The following ANK3 variants were observed in gnomAD, a reference collection of about 807,000 sequenced individuals.
ANK3 encodes ankyrin-3.
A neutral mutation model predicts 370.9 loss-of-function variants in ANK3; 57 were observed. The observed-to-expected ratio is 0.15, with a 90% confidence interval of 0.12 to 0.19. The LOEUF is 0.19. ANK3 is among the 10% of genes least tolerant of loss of function. ANK3 has a pLI of 1.00. For synonymous variants in ANK3, 1,929 were observed against 1,946.3 expected (o/e 0.99, Z 0.23); for missense variants, 4,439 against 5,302.1 (o/e 0.84, Z 5.06).
chr10:60,488,771 A>G (rs1434369219), intron 2 of ANK3, among the ~76,000 whole-genome samples: 1 of 152,184 alleles, frequency 6.6e-6, no homozygotes, highest in Non-Finnish European at 1.5e-5. Context: ...TTCTTTGCCA[A>G]AAAATGCATT....
At chr10:60,066,653 C>T (rs7902905) in intron 38 of ANK3, among the ~76,000 whole-genome samples, 105,541 of 151,796 alleles carry the variant, frequency 0.7, 37,022 homozygotes, top group East Asian at 0.95. Flanking sequence ...TTAGATGAAA[C>T]TGCTTCCTAT....
chr10:60,054,142 ATG>A, intron 42 of ANK3, among the ~76,000 whole-genome samples: 1 of 152,320 alleles, frequency 6.6e-6, no homozygotes, highest in East Asian at 1.9e-4. Context: ...CGGTGTTTAT[ATG>A]TGTTTGTATA....
chr10:60,353,733 T>C (rs2057305658), intron 1 of ANK3, among the ~76,000 whole-genome samples: 1 of 152,182 alleles, frequency 6.6e-6, no homozygotes, highest in Admixed American at 6.5e-5. Flanking sequence ...ACTAAAGGAA[T>C]ACAAAGATCA....
At chr10:60,584,462 T>A (rs34623257) in intron 2 of ANK3, among the ~76,000 whole-genome samples, 152,217 of 152,220 alleles carry the variant, frequency 1, 76,107 homozygotes, top group Non-Finnish European at 1. Flanking sequence ...CCACCAAAAA[T>A]TTAAAATTAG....
intron 25 of ANK3, among the ~76,000 whole-genome samples, chr10:60,119,077 C>T (rs2093305811): frequency 6.6e-6 from 1 of 152,158 alleles, no homozygotes; most frequent in South Asian, 2.1e-4. Context: ...CAATATTTGT[C>T]CCAGATAGTA....
chr10:60,125,993 A>G (rs989966726), intron 25 of ANK3, among the ~76,000 whole-genome samples: 19 of 152,158 alleles, frequency 1.2e-4, no homozygotes, highest in Non-Finnish European at 1.8e-4. Flanking sequence ...AATAAATGAG[A>G]AGAGTTATGG....
intron 1 of ANK3, among the ~76,000 whole-genome samples, chr10:60,342,300 T>G (rs1594144097): frequency 6.6e-6 from 1 of 152,292 alleles, no homozygotes; most frequent in East Asian, 1.9e-4. Context: ...ATCATAAAAT[T>G]TTAAGAACTG....
intron 2 of ANK3, among the ~76,000 whole-genome samples, chr10:60,585,821 C>T (rs138256068): frequency 6.6e-6 from 1 of 152,178 alleles, no homozygotes; most frequent in African/African-American, 2.4e-5. Context: ...GTCAGGAGTT[C>T]AATACCAGCC....
chr10:60,658,520 T>TTA (rs2078895880), intron 1 of ANK3, among the ~76,000 whole-genome samples: 1 of 152,080 alleles, frequency 6.6e-6, no homozygotes, highest in Non-Finnish European at 1.5e-5. Context: ...TATGTTATAT[T>TTA]TATATATATT....
intron 2 of ANK3, among the ~76,000 whole-genome samples, chr10:60,528,501 A>G (rs985099601): frequency 6.6e-6 from 1 of 152,144 alleles, no homozygotes; most frequent in African/African-American, 2.4e-5. Flanking sequence ...ATCCATAATT[A>G]CATTAGGTTG....
intron 2 of ANK3, among the ~76,000 whole-genome samples, chr10:60,455,565 A>T (rs2133047590): frequency 6.6e-6 from 1 of 152,320 alleles, no homozygotes; most frequent in Admixed American, 6.5e-5. Flanking sequence ...TAAATAGTTT[A>T]AAATGTTTCC....
At chr10:60,366,438 AG>A (rs1391894114) in intron 1 of ANK3, among the ~76,000 whole-genome samples, 1 of 152,196 alleles carries the variant, frequency 6.6e-6, no homozygotes, top group Non-Finnish European at 1.5e-5. Flanking sequence ...CCAGGAAAGG[AG>A]GCACTTTCAG....
intron 1 of ANK3, among the ~76,000 whole-genome samples, chr10:60,731,890 T>C (rs2080027774): frequency 6.6e-6 from 1 of 152,082 alleles, no homozygotes; most frequent in South Asian, 2.1e-4. Flanking sequence ...CAACCCACAC[T>C]CTCAAGCAAG....
chr10:60,553,371 A>T (rs1285735550), intron 2 of ANK3, among the ~76,000 whole-genome samples: 2 of 150,500 alleles, frequency 1.3e-5, no homozygotes, highest in African/African-American at 2.4e-5. Flanking sequence ...CATAAATCTC[A>T]TAGACTATAC....
chr10:60,169,485 TATC>T (rs1472196199), intron 21 of ANK3, among the ~76,000 whole-genome samples: 1 of 151,666 alleles, frequency 6.6e-6, no homozygotes, highest in African/African-American at 2.4e-5. Context: ...CAACATGACT[TATC>T]ATTGTTGATG....
At chr10:60,249,646 G>A (rs1196176010) in intron 7 of ANK3, among the ~76,000 whole-genome samples, 5 of 152,182 alleles carry the variant, frequency 3.3e-5, no homozygotes, top group Non-Finnish European at 5.9e-5. Context: ...TCTAAAGAAA[G>A]ATGGTTTGGA....
intron 2 of ANK3, among the ~76,000 whole-genome samples, chr10:60,483,510 A>G (rs1018604302): frequency 1.4e-4 from 21 of 152,278 alleles, no homozygotes; most frequent in Non-Finnish European, 2.6e-4. Flanking sequence ...AATTTTCAGC[A>G]TGGTTAAAAA....
intron 1 of ANK3, among the ~76,000 whole-genome samples, chr10:60,637,528 C>T (rs371506439): frequency 1.3e-5 from 2 of 152,206 alleles, no homozygotes; most frequent in Middle Eastern, 3.4e-3. Context: ...ATAATTCCAC[C>T]TTAAGACATA....
intron 2 of ANK3, among the ~76,000 whole-genome samples, chr10:60,567,258 G>A (rs1379936016): frequency 1.3e-5 from 2 of 152,158 alleles, no homozygotes; most frequent in Admixed American, 6.5e-5. Flanking sequence ...TGACTTTCTT[G>A]TTAGGTGCTA....
Sources: gnomAD v4.1 joint callset for allele counts (sites outside exome capture counted in the v4.1 genomes callset) on GRCh38, gnomAD v4.1.1 for gene constraint, MANE v1.5 for transcripts, NCBI Gene and HGNC (gene_info 2026-07-23, HGNC 2026-07-21) for gene names.